SHISA9: variants seen among roughly 807,000 people sequenced by gnomAD.
The protein encoded by SHISA9 is shisa family member 9.
In SHISA9, 13 loss-of-function variants were observed where a neutral mutation model predicts 38.0. The ratio of observed to expected loss-of-function variants is 0.34; its 90% CI spans 0.22 to 0.54. The LOEUF (loss-of-function observed/expected upper bound fraction) is 0.54, where lower values mean the gene tolerates loss of function less well. Among genes scored for constraint, SHISA9 ranks in the 20% least tolerant of loss-of-function variants. The pLI is 0.91. For synonymous variants in SHISA9, 275 were observed against 242.0 expected, an observed-to-expected ratio of 1.14 and a Z score of -1.27; for missense variants, 538 against 575.8, an observed-to-expected ratio of 0.93 and a Z score of 0.67.
the SHISA9 span, among the ~76,000 whole-genome samples, chr16:13,419,319 T>C: frequency 1.3e-5 from 2 of 152,330 alleles, no homozygotes; most frequent in Non-Finnish European, 2.9e-5. Flanking sequence ...GCGGGCCTCC[T>C]GGAAGCTGGA....
the SHISA9 span, among the ~76,000 whole-genome samples, chr16:13,248,395 T>G: frequency 6.6e-6 from 1 of 152,090 alleles, no homozygotes; most frequent in Admixed American, 6.5e-5. Flanking sequence ...ATTAAGAAGG[T>G]AGAAGATGAA....
At chr16:13,036,859 C>G (rs1476517453) in intron 2 of SHISA9, among the ~76,000 whole-genome samples, 2 of 152,000 alleles carry the variant, frequency 1.3e-5, no homozygotes, top group African/African-American at 2.4e-5. Context: ...AGCGCTCACT[C>G]AAATGCAGCT....
At chr16:13,225,786 G>T (rs531930053) in intron 4 of SHISA9, among the ~76,000 whole-genome samples, 1 of 152,138 alleles carries the variant, frequency 6.6e-6, no homozygotes, top group Non-Finnish European at 1.5e-5. Context: ...ATCCCGCCCC[G>T]CACCTGTACA....
intron 2 of SHISA9, among the ~76,000 whole-genome samples, chr16:13,137,914 C>T (rs538403992): frequency 4.6e-5 from 7 of 152,242 alleles, no homozygotes; most frequent in East Asian, 1.9e-4. Context: ...ATGGCTAACT[C>T]GTATTTTTCT....
At chr16:13,046,737 C>G (rs1438241909) in intron 2 of SHISA9, among the ~76,000 whole-genome samples, 1 of 152,184 alleles carries the variant, frequency 6.6e-6, no homozygotes, top group Non-Finnish European at 1.5e-5. Context: ...CCTCTCCAAT[C>G]CAGCCATTAT....
chr16:12,944,091 A>G (rs1451753680), intron 2 of SHISA9, among the ~76,000 whole-genome samples: 1 of 152,132 alleles, frequency 6.6e-6, no homozygotes, highest in Non-Finnish European at 1.5e-5. Flanking sequence ...CAGTTATGAT[A>G]ACCAAATATG....
intron 2 of SHISA9, among the ~76,000 whole-genome samples, chr16:13,178,230 C>T (rs1048209455): frequency 1.3e-5 from 2 of 151,936 alleles, no homozygotes; most frequent in Non-Finnish European, 2.9e-5. Context: ...GTCAGGTGCA[C>T]GTGTGGAGAG....
At chr16:12,914,751 G>T (rs12325158) in intron 1 of SHISA9, among the ~76,000 whole-genome samples, 1 of 152,170 alleles carries the variant, frequency 6.6e-6, no homozygotes, top group African/African-American at 2.4e-5. Context: ...CTTGGGGCCT[G>T]TGTGGCCTTA....
At chr16:13,492,779 G>C in the SHISA9 span, among the ~76,000 whole-genome samples, 3 of 152,208 alleles carry the variant, frequency 2.0e-5, no homozygotes, top group Non-Finnish European at 4.4e-5. Context: ...AGAATGTTTT[G>C]ACCTTTCTGG....
the SHISA9 span, among the ~76,000 whole-genome samples, chr16:13,396,892 C>G: frequency 6.6e-6 from 1 of 152,066 alleles, no homozygotes; most frequent in African/African-American, 2.4e-5. Flanking sequence ...TTACAGCTGA[C>G]CCTTGAACAG....
At chr16:13,286,311 A>G in the SHISA9 span, among the ~76,000 whole-genome samples, 1 of 152,198 alleles carries the variant, frequency 6.6e-6, no homozygotes, top group Non-Finnish European at 1.5e-5. Flanking sequence ...AACTTTGGCA[A>G]AATAAACTTT....
downstream of SHISA9, among the ~76,000 whole-genome samples, chr16:13,244,284 C>T (rs531997799): frequency 1.3e-4 from 20 of 152,128 alleles, no homozygotes; most frequent in South Asian, 6.2e-4. Context: ...TATGGTAATA[C>T]AGTTGGCCCT....
At chr16:13,505,340 T>C in the SHISA9 span, among the ~76,000 whole-genome samples, 1 of 152,238 alleles carries the variant, frequency 6.6e-6, no homozygotes, top group African/African-American at 2.4e-5. Flanking sequence ...TTCTGGGGGC[T>C]TCGTATATTC....
the SHISA9 span, among the ~76,000 whole-genome samples, chr16:13,501,079 C>G: frequency 1.3e-5 from 2 of 152,150 alleles, no homozygotes; most frequent in African/African-American, 4.8e-5. Flanking sequence ...GATAACCTTC[C>G]CAATGCCAAA....
intron 2 of SHISA9, among the ~76,000 whole-genome samples, chr16:13,026,266 C>G (rs2072920916): frequency 6.6e-6 from 1 of 152,144 alleles, no homozygotes; most frequent in African/African-American, 2.4e-5. Context: ...TACCCTTCTA[C>G]TTTCTGTTTC....
the SHISA9 span, among the ~76,000 whole-genome samples, chr16:13,408,660 G>C: frequency 6.6e-6 from 1 of 152,132 alleles, no homozygotes. Flanking sequence ...TTTCATATAT[G>C]AGTTGTATAC....
intron 1 of SHISA9, chr16:12,908,920 G>A (rs2071142972): frequency 2.0e-6 from 2 of 1,024,214 alleles, no homozygotes; most frequent in South Asian, 4.1e-5. Flanking sequence ...TGGCAGATAA[G>A]GGTCCTGTGT....
intron 2 of SHISA9, among the ~76,000 whole-genome samples, chr16:13,190,065 T>C (rs564683113): frequency 3.7e-4 from 55 of 147,538 alleles, no homozygotes; most frequent in Non-Finnish European, 6.5e-4. Flanking sequence ...GCTGTGGGCA[T>C]AAAACACCCT....
At chr16:13,556,887 T>C in the SHISA9 span, among the ~76,000 whole-genome samples, 1 of 152,194 alleles carries the variant, frequency 6.6e-6, no homozygotes, top group South Asian at 2.1e-4. Context: ...CTAGAGATGA[T>C]TTAAAGTATA....
Sources: allele counts gnomAD v4.1 joint callset (sites outside exome capture counted in the v4.1 genomes callset), GRCh38; gene constraint gnomAD v4.1.1; transcripts MANE v1.5; gene names NCBI Gene and HGNC (gene_info 2026-07-23, HGNC 2026-07-21).